The following XKR4 variants were observed in gnomAD, a reference collection of about 807,000 sequenced individuals.
XKR4 encodes the protein XK-related protein 4.
Under a neutral mutation model 53.9 loss-of-function variants are expected in XKR4, and 12 were observed. That is an observed-to-expected ratio of 0.22 (90% confidence interval 0.14 to 0.36). XKR4 has a LOEUF of 0.36. XKR4 is among the 10% of genes least tolerant of loss of function. The pLI, the probability that XKR4 is intolerant of heterozygous loss-of-function variation, is 1.00. For missense variants in XKR4, 799 were observed against 859.5 expected (o/e 0.93, Z 0.88); for synonymous variants, 354 against 362.4 (o/e 0.98, Z 0.26).
intron 2 of XKR4, among the ~76,000 whole-genome samples, chr8:55,374,698 G>T (rs1397934496): frequency 1.3e-5 from 2 of 152,190 alleles, no homozygotes; most frequent in African/African-American, 4.8e-5. Context: ...CTGTGGAGAT[G>T]AGAGCTGAAA....
intron 1 of XKR4, among the ~76,000 whole-genome samples, chr8:55,199,406 C>T (rs1373349813): frequency 6.6e-6 from 1 of 152,154 alleles, no homozygotes; most frequent in African/African-American, 2.4e-5. Context: ...TCATCATTTC[C>T]TTTTATTTAA....
chr8:55,355,259 G>C (rs1038893333), intron 1 of XKR4, among the ~76,000 whole-genome samples: 2 of 151,880 alleles, frequency 1.3e-5, no homozygotes, highest in East Asian at 3.9e-4. Context: ...CAACTGGAAG[G>C]GATATGGCAC....
At chr8:55,489,254 G>A (rs1672736922) in intron 2 of XKR4, among the ~76,000 whole-genome samples, 1 of 152,052 alleles carries the variant, frequency 6.6e-6, no homozygotes, top group African/African-American at 2.4e-5. Flanking sequence ...GGCAGAATAA[G>A]GCTATGGAAA....
intron 1 of XKR4, among the ~76,000 whole-genome samples, chr8:55,345,334 T>C (rs1803620595): frequency 6.6e-6 from 1 of 151,424 alleles, no homozygotes; most frequent in African/African-American, 2.4e-5. Flanking sequence ...AAAAAGGAAA[T>C]AAATAAAAAT....
rs149963948 is a variant in XKR4 at position 55,270,629 on chromosome 8, C to T, written c.807-87049C>T. On this transcript the variant is annotated intron_variant, in intron 1 of 2. Coordinates refer to ENST00000327381, the MANE Select transcript of XKR4 (RefSeq NM_052898.2). Reference sequence around the variant, plus strand: ...GCAATACTGTTGGAGTTTGATTCTACTCCTCTGAGAGTGTATGTCCCAAAC... The same window carrying T: ...GCAATACTGTTGGAGTTTGATTCTATTCCTCTGAGAGTGTATGTCCCAAAC... Among the ~76,000 whole-genome samples, 8 of 152,200 alleles carry T rather than the reference C, an allele frequency of 5.3e-5. No homozygotes were observed. The East Asian group carries it at 1.3e-3, about 26-fold the overall frequency.
chr8:55,393,964 T>C (rs1187049017), intron 2 of XKR4, among the ~76,000 whole-genome samples: 1 of 152,198 alleles, frequency 6.6e-6, no homozygotes, highest in Non-Finnish European at 1.5e-5. Context: ...TCTAGAATGA[T>C]GCCTTTATAG....
intron 1 of XKR4, among the ~76,000 whole-genome samples, chr8:55,289,599 A>T (rs868140982): frequency 1.1e-5 from 1 of 87,214 alleles, no homozygotes; most frequent in Non-Finnish European, 2.3e-5. Flanking sequence ...AAGAGAAAGA[A>T]AGAAAGAAAG....
At chr8:55,289,046 T>G (rs1286855463) in intron 1 of XKR4, among the ~76,000 whole-genome samples, 1 of 152,210 alleles carries the variant, frequency 6.6e-6, no homozygotes, top group African/African-American at 2.4e-5. Context: ...ACCCATCAGT[T>G]TTTTGTCATT....
At chr8:55,308,036 C>T (rs528579280) in intron 1 of XKR4, among the ~76,000 whole-genome samples, 15 of 152,188 alleles carry the variant, frequency 9.9e-5, no homozygotes, top group African/African-American at 2.6e-4. Context: ...GGGCAGATCA[C>T]GAGGTCAGGA....
intron 1 of XKR4, among the ~76,000 whole-genome samples, chr8:55,127,545 G>A (rs1333694151): frequency 6.7e-6 from 1 of 148,518 alleles, no homozygotes; most frequent in Non-Finnish European, 1.5e-5. Flanking sequence ...GAGCCACCAT[G>A]CCCAGCCTGG....
At chr8:55,512,648 G>A (rs769751853) in intron 2 of XKR4, among the ~76,000 whole-genome samples, 1 of 152,196 alleles carries the variant, frequency 6.6e-6, no homozygotes, top group Non-Finnish European at 1.5e-5. Context: ...CACTTAGTAG[G>A]TGTTCAATAA....
At chr8:55,449,966 CG>C in intron 2 of XKR4, 1 of 830,188 alleles carries the variant, frequency 1.2e-6, no homozygotes, top group Non-Finnish European at 2.1e-6. Context: ...GTGGAGCCCA[CG>C]GGTTCCTCCT....
rs188820743 is a variant in XKR4 at position 55,511,384 on chromosome 8, C to T, written c.1007-11897C>T. On this transcript the variant is annotated intron_variant, in intron 2 of 2. Coordinates refer to ENST00000327381, the MANE Select transcript of XKR4 (RefSeq NM_052898.2). ...ATCAAAAGCAGACAAAGGAAGTGTC[C>T]GTTGAGGTCCCAGGACCTCAGAAGG... 2.2e-3 allele frequency among the ~76,000 whole-genome samples: 330 copies of T among 152,268 alleles called. 4 individuals are homozygous for T. The highest frequency in any genetic ancestry group is 7.3e-3 in the African/African-American group (304 of 41,554).
intron 2 of XKR4, among the ~76,000 whole-genome samples, chr8:55,508,141 A>T (rs1254557002): frequency 6.6e-6 from 1 of 152,032 alleles, no homozygotes; most frequent in Non-Finnish European, 1.5e-5. Context: ...ACAAGCAGTG[A>T]TGGCATGAAT....
chr8:55,287,177 A>T (rs1170992582), intron 1 of XKR4, among the ~76,000 whole-genome samples: 1 of 152,022 alleles, frequency 6.6e-6, no homozygotes, highest in Admixed American at 6.6e-5. Flanking sequence ...TTAAATTAAA[A>T]AAAATACAAA....
intron 1 of XKR4, among the ~76,000 whole-genome samples, chr8:55,274,493 C>A (rs1818738259): frequency 1.3e-5 from 2 of 151,328 alleles, no homozygotes; most frequent in Admixed American, 6.6e-5. Flanking sequence ...AGTGCAGTGG[C>A]ATGATCTTGG....
intron 1 of XKR4, among the ~76,000 whole-genome samples, chr8:55,356,353 C>T (rs528038037): frequency 6.6e-6 from 1 of 152,186 alleles, no homozygotes; most frequent in Middle Eastern, 3.4e-3. Context: ...GCAGAAAACA[C>T]AAAGGATAGA....
At chr8:55,479,076 C>A (rs1806055382) in intron 2 of XKR4, among the ~76,000 whole-genome samples, 1 of 152,100 alleles carries the variant, frequency 6.6e-6, no homozygotes, top group Admixed American at 6.5e-5. Flanking sequence ...GAACTCTCCA[C>A]CCCAAATCAA....
intron 1 of XKR4, among the ~76,000 whole-genome samples, chr8:55,309,893 A>T (rs1819363820): frequency 6.6e-6 from 1 of 152,208 alleles, no homozygotes; most frequent in African/African-American, 2.4e-5. Context: ...CCTTGCCATC[A>T]TTTGCTGCTA....
Sources: allele counts gnomAD v4.1 joint callset (sites outside exome capture counted in the v4.1 genomes callset), GRCh38; gene constraint gnomAD v4.1.1; transcripts MANE v1.5; gene names NCBI Gene and HGNC (gene_info 2026-07-23, HGNC 2026-07-21).